Variants in TRAPPC3 observed in about 807,000 individuals in gnomAD.
The protein encoded by TRAPPC3 is trafficking protein particle complex 3.
Under a neutral mutation model 18.2 loss-of-function variants are expected in TRAPPC3, and 5 were observed. The observed-to-expected ratio is 0.28, with a 90% CI of 0.14 to 0.58. The LOEUF (loss-of-function observed/expected upper bound fraction) is 0.58, where lower values mean the gene tolerates loss of function less well. Ranked by LOEUF, TRAPPC3 falls within the 20% of genes least tolerant of loss-of-function variation. The pLI is 0.91. For missense variants in TRAPPC3, 176 were observed against 225.9 expected (o/e 0.78, Z 1.41); for synonymous variants, 65 against 84.2 (o/e 0.77, Z 1.25).
In TRAPPC3 at chr1:36,149,344, T is replaced by G. The variant is rs772914799; in HGVS notation, c.35A>C (p.Lys12Thr). The change falls in exon 1 of 5, where the codon AAG becomes ACG. Residue 12 changes from lysine to threonine, a missense_variant. By Grantham distance (78) the Lys-to-Thr change is moderately conservative. Around this residue, in one of 2 missense-constraint regions of TRAPPC3, gnomAD observed 147 missense variants for 164.3 expected, o/e 0.89. Coordinates refer to ENST00000373166, the MANE Select transcript of TRAPPC3 (RefSeq NM_014408.5). ...SRQANRGTES[K>T]KMSSELFTLT... is the part of the protein sequence containing the mutation. ...TCACGCGCTCCAAGTTACCATTTTC[T>G]TGCTCTCGGTGCCACGGTTCGCCTG... 24 of 1,613,472 alleles carry G rather than the reference T, an allele frequency of 1.5e-5. No individual in the cohort carries two copies. The highest frequency in any genetic ancestry group is 1.9e-5 in the Non-Finnish European group (22 of 1,179,844).
intron 1 of TRAPPC3, among the ~76,000 whole-genome samples, chr1:36,148,419 A>AC (rs1456159966): frequency 3.3e-5 from 5 of 152,112 alleles, no homozygotes; most frequent in Non-Finnish European, 5.9e-5. Flanking sequence ...ACATGGTGAA[A>AC]CCCCATCTCT....
intron 1 of TRAPPC3, among the ~76,000 whole-genome samples, chr1:36,142,329 G>A (rs1230722108): frequency 6.6e-6 from 1 of 152,174 alleles, no homozygotes; most frequent in Non-Finnish European, 1.5e-5. Flanking sequence ...CACTAGAATG[G>A]TTTGAGCATG....
In TRAPPC3 at chr1:36,136,994, G is replaced by A. The variant is rs879110279; in HGVS notation, c.*209C>T. On this transcript the variant is annotated 3_prime_UTR_variant, in exon 5 of 5. Transcript: ENST00000373166. ...ATCCAGCCCCTCTCAAGGGAATGGG[G>A]GCAGAGACTGTCGCTCCTGAATGTG... is the stretch of plus-strand genomic sequence containing the variant. 9 of 470,128 alleles carry A rather than the reference G, an allele frequency of 1.9e-5. No homozygotes were observed. Among genetic ancestry groups the A allele is most frequent in the South Asian group, 1.7e-4 (4 of 23,654 alleles). The allele number at this position is 470,128 out of a possible 1,614,324, so 29.1% of individuals were successfully genotyped here. A position where few individuals can be genotyped will look rare whatever the true frequency, so the allele number is the denominator to read the frequency against.
upstream of TRAPPC3, chr1:36,149,521 C>A (rs1644251881): frequency 9.2e-7 from 1 of 1,087,272 alleles, no homozygotes; most frequent in Non-Finnish European, 1.3e-6. Context: ...CCGCGGGGCA[C>A]CACGGGACTA....
upstream of TRAPPC3, among the ~76,000 whole-genome samples, chr1:36,152,986 C>A (rs1305639639): frequency 6.6e-6 from 1 of 152,206 alleles, no homozygotes; most frequent in Non-Finnish European, 1.5e-5. Flanking sequence ...ATTCTGTGGG[C>A]TTCCCCCAGC....
At chr1:36,153,756 C>A (rs1242747105), upstream of TRAPPC3, among the ~76,000 whole-genome samples, 1 of 152,036 alleles carries the variant, frequency 6.6e-6, no homozygotes, top group Non-Finnish European at 1.5e-5. Flanking sequence ...TGGTTGAGAA[C>A]CCCCTGATGT....
intron 1 of TRAPPC3, chr1:36,149,017 T>C (rs1282664964): frequency 8.2e-7 from 1 of 1,219,770 alleles, no homozygotes; most frequent in East Asian, 3.8e-5. Context: ...TTAACTGAGA[T>C]GCTGTAACGT....
chr1:36,147,133 T>C (rs1171005651), intron 1 of TRAPPC3, among the ~76,000 whole-genome samples: 1 of 151,972 alleles, frequency 6.6e-6, no homozygotes, highest in Non-Finnish European at 1.5e-5. Flanking sequence ...GGGAGATCAC[T>C]TGAGGTCAGG....
intron 1 of TRAPPC3, among the ~76,000 whole-genome samples, chr1:36,146,251 G>A (rs912878719): frequency 3.4e-5 from 5 of 147,842 alleles, no homozygotes; most frequent in Admixed American, 6.8e-5. Context: ...GCTAATTTTT[G>A]TATTTTTAGT....
intron 1 of TRAPPC3, among the ~76,000 whole-genome samples, chr1:36,141,958 CAAAAAAAAA>C (rs71053907): frequency 1.6e-5 from 1 of 64,120 alleles, no homozygotes; most frequent in African/African-American, 6.0e-5. Flanking sequence ...ATTCCGTCTC[CAAAAAAAAA>C]AAAAAAAAAA....
At position 36,139,775 on chromosome 1, in the gene TRAPPC3, C is replaced by A. The variant is rs779781238; in HGVS notation, c.185G>T (p.Arg62Leu). ...GTCATGGCACCTCCCAACATTTGACCGAGCCAAGAAATCTTCAATCAGCCG... is the reference window on the plus strand; with the variant it reads ...GTCATGGCACCTCCCAACATTTGACAGAGCCAAGAAATCTTCAATCAGCCG... ...GVRLIEDFLA[R>L]SNVGRCHDFR... is the part of the protein sequence containing the mutation. Residue 62 changes from arginine to leucine, a missense_variant, in exon 3 of 5, where the codon CGG becomes CTG. Around this residue, in one of 2 missense-constraint regions of TRAPPC3, gnomAD observed 147 missense variants for 164.3 expected, o/e 0.89. Coordinates refer to ENST00000373166, the MANE Select transcript of TRAPPC3 (RefSeq NM_014408.5). 2 of 1,614,052 alleles carry A rather than the reference C, an allele frequency of 1.2e-6. No individual in the cohort carries two copies. Among genetic ancestry groups the A allele is most frequent in the Non-Finnish European group, 1.7e-6 (2 of 1,180,014 alleles).
chr1:36,141,455 C>T (rs947232336), intron 1 of TRAPPC3, among the ~76,000 whole-genome samples: 3 of 152,194 alleles, frequency 2.0e-5, no homozygotes, highest in Admixed American at 6.5e-5. Context: ...AATGTAAAAG[C>T]CCAGGCTCTG....
chr1:36,140,175 G>A lies in TRAPPC3; in HGVS notation c.43-9C>T. ...GTGAAGAGCTCAGAGCTCTAAAAGA[G>A]ATTCAAAAGGCAGTCAGGACCAAGC... On this transcript the variant is annotated splice_polypyrimidine_tract_variant and intron_variant, in intron 1 of 4. Transcript: ENST00000373166. 1 of 1,559,888 alleles carries A rather than the reference G, an allele frequency of 6.4e-7. No homozygotes were observed. The highest frequency in any genetic ancestry group is 8.6e-7 in the Non-Finnish European group (1 of 1,156,918).
At chr1:36,153,509 C>T (rs1009191763), upstream of TRAPPC3, among the ~76,000 whole-genome samples, 9 of 152,192 alleles carry the variant, frequency 5.9e-5, no homozygotes, top group African/African-American at 2.2e-4. Flanking sequence ...TGGTCTCCAG[C>T]ACCAACATCT....
upstream of TRAPPC3, among the ~76,000 whole-genome samples, chr1:36,150,720 C>A (rs577431371): frequency 1.3e-5 from 2 of 152,340 alleles, no homozygotes; most frequent in East Asian, 3.9e-4. Context: ...GCAGTGACCC[C>A]TCACTCTCCA....
rs1339451965 is a variant in TRAPPC3, at chr1:36,137,256, G to A, written c.490C>T (p.Arg164Trp). Residue 164 changes from arginine to tryptophan, a missense_variant, in exon 5 of 5, where the codon CGG (arginine) becomes TGG (tryptophan). By Grantham distance (101) the Arg-to-Trp change is moderately radical. Coordinates refer to ENST00000373166, the MANE Select transcript of TRAPPC3 (RefSeq NM_014408.5). Reference sequence around the variant, plus strand: ...TCAATCCGCCTGATGAATCTCATCCGGATTTCTGTCACACCGTCTCCTTTC... The same window carrying A: ...TCAATCCGCCTGATGAATCTCATCCAGATTTCTGTCACACCGTCTCCTTTC... ...TLKGDGVTEI[R>W]MRFIRRIEDN... 6 of 1,613,288 alleles carry A rather than the reference G, an allele frequency of 3.7e-6. No homozygotes were observed. The highest frequency in any genetic ancestry group is 5.1e-6 in the Non-Finnish European group (6 of 1,179,316).
Sources: allele counts gnomAD v4.1 joint callset (sites outside exome capture counted in the v4.1 genomes callset), GRCh38; gene constraint gnomAD v4.1.1; regional missense constraint gnomAD v4.1.1; transcripts MANE v1.5; gene names NCBI Gene and HGNC (gene_info 2026-07-23, HGNC 2026-07-21).